The following KAZN variants were observed in gnomAD, a reference collection of about 807,000 sequenced individuals.
KAZN encodes kazrin.
A neutral mutation model predicts 87.4 loss-of-function variants in KAZN; 40 were observed. That is an observed-to-expected ratio of 0.46 (90% CI 0.36 to 0.60). The LOEUF is 0.60. Among genes scored for constraint, KAZN ranks in the 20% least tolerant of loss-of-function variants. The probability of loss-of-function intolerance (pLI) is 0.00; values close to 1 mark genes in which losing one functional copy is unlikely to be tolerated. For synonymous variants in KAZN, 466 were observed against 458.3 expected, an observed-to-expected ratio of 1.02 and a Z score of -0.22; for missense variants, 898 against 1,073.9, an observed-to-expected ratio of 0.84 and a Z score of 2.29.
intron 2 of KAZN, among the ~76,000 whole-genome samples, chr1:14,487,252 TTACAG>T (rs1296722696): frequency 6.6e-6 from 1 of 152,232 alleles, no homozygotes; most frequent in Non-Finnish European, 1.5e-5. Flanking sequence ...AAGGCAAACA[TTACAG>T]TAAAGTTTTC....
rs1376375814 is a variant in KAZN at position 14,496,317 on chromosome 1, A to T, written c.250-102666A>T. 5.3e-5 allele frequency among the ~76,000 whole-genome samples: 8 copies of T among 152,292 alleles called. No homozygotes were observed. The East Asian group carries it at 1.5e-3, about 29-fold the overall frequency. ...CAAAATAGAAACAAGGAATGTTTGA[A>T]ATAATACAGAAATGGCACTGAGGAA... On this transcript the variant is annotated intron_variant, in intron 2 of 16. Transcript: ENST00000636203.
chr1:14,178,726 T>C (rs981279073), intron 1 of KAZN, among the ~76,000 whole-genome samples: 6 of 152,202 alleles, frequency 3.9e-5, no homozygotes. Context: ...CTTTTTTGTA[T>C]GTCTGGTAAT....
intron 1 of KAZN, among the ~76,000 whole-genome samples, chr1:14,922,882 G>C (rs1333905839): frequency 6.6e-6 from 1 of 152,102 alleles, no homozygotes; most frequent in African/African-American, 2.4e-5. Flanking sequence ...TCATTGGGAA[G>C]GTGAGGATGC....
chr1:14,720,831 C>G (rs969231326), intron 1 of KAZN, among the ~76,000 whole-genome samples: 2 of 152,284 alleles, frequency 1.3e-5, no homozygotes, highest in African/African-American at 4.8e-5. Context: ...ATTCTCCCGC[C>G]TCAGCCTCCC....
chr1:14,234,418 A>C (rs1396851906), intron 2 of KAZN, among the ~76,000 whole-genome samples: 1 of 146,470 alleles, frequency 6.8e-6, no homozygotes, highest in Non-Finnish European at 1.5e-5. Flanking sequence ...ATGGGGGGCT[A>C]GGGGTGGGAT....
chr1:14,423,562 A>G (rs1428223791), intron 2 of KAZN, among the ~76,000 whole-genome samples: 1 of 152,212 alleles, frequency 6.6e-6, no homozygotes, highest in Non-Finnish European at 1.5e-5. Context: ...AATAGCCGTG[A>G]TAATACCAGG....
chr1:14,925,061 C>T (rs933203741), intron 1 of KAZN, among the ~76,000 whole-genome samples: 2 of 152,264 alleles, frequency 1.3e-5, no homozygotes, highest in Non-Finnish European at 2.9e-5. Context: ...TTCTCATACA[C>T]TTGAACTCCG....
At chr1:14,520,723 C>T (rs1474440919) in intron 2 of KAZN, among the ~76,000 whole-genome samples, 1 of 152,222 alleles carries the variant, frequency 6.6e-6, no homozygotes, top group Non-Finnish European at 1.5e-5. Flanking sequence ...TGAAACTGAA[C>T]TGAACCATTA....
At chr1:14,679,295 T>G (rs1027152146) in intron 1 of KAZN, among the ~76,000 whole-genome samples, 1 of 151,838 alleles carries the variant, frequency 6.6e-6, no homozygotes, top group Non-Finnish European at 1.5e-5. Context: ...TTTTTTTTTT[T>G]GGAAGGAATA....
At chr1:14,239,098 T>C (rs1201570634) in intron 2 of KAZN, among the ~76,000 whole-genome samples, 2 of 152,204 alleles carry the variant, frequency 1.3e-5, no homozygotes, top group Admixed American at 6.6e-5. Context: ...CTGAACTGCA[T>C]GTTCTCCAGT....
intron 1 of KAZN, among the ~76,000 whole-genome samples, chr1:14,138,394 A>G (rs367636547): frequency 5.3e-5 from 8 of 152,124 alleles, no homozygotes; most frequent in Non-Finnish European, 1.0e-4. Context: ...TGTTCCTTCT[A>G]TGGTTCACTC....
At chr1:14,608,550 G>A (rs1448006216) in intron 1 of KAZN, among the ~76,000 whole-genome samples, 1 of 152,182 alleles carries the variant, frequency 6.6e-6, no homozygotes, top group Non-Finnish European at 1.5e-5. Flanking sequence ...AAGTACAACT[G>A]TTTGGATAGA....
intron 2 of KAZN, among the ~76,000 whole-genome samples, chr1:14,340,970 C>T (rs1657672667): frequency 7.1e-6 from 1 of 141,270 alleles, no homozygotes; most frequent in African/African-American, 2.6e-5. Context: ...TCACTGCAAC[C>T]TCTGCCTCCC....
intron 13 of KAZN, among the ~76,000 whole-genome samples, chr1:15,110,379 GTATT>G (rs1641516014): frequency 2.0e-5 from 1 of 49,670 alleles, no homozygotes; most frequent in Admixed American, 2.9e-4. Flanking sequence ...TATGTAGTGT[GTATT>G]TGTGTGTTTG....
chr1:14,674,788 T>C (rs1572193770), intron 1 of KAZN, among the ~76,000 whole-genome samples: 1 of 152,160 alleles, frequency 6.6e-6, no homozygotes, highest in African/African-American at 2.4e-5. Flanking sequence ...TTTTCTTTTC[T>C]TTTCTTTTCT....
At chr1:14,699,355 A>T (rs1641792840) in intron 1 of KAZN, among the ~76,000 whole-genome samples, 1 of 152,234 alleles carries the variant, frequency 6.6e-6, no homozygotes, top group South Asian at 2.1e-4. Flanking sequence ...TTCCCTTTCC[A>T]TTTAACCAGA....
intron 1 of KAZN, among the ~76,000 whole-genome samples, chr1:13,898,429 C>T (rs1378859308): frequency 3.3e-5 from 5 of 152,184 alleles, no homozygotes; most frequent in Non-Finnish European, 7.3e-5. Context: ...CTAAGTTGCG[C>T]GTGTGTTACG....
chr1:14,960,698 G>A lies in KAZN; in HGVS notation c.241G>A (p.Glu81Lys), dbSNP rs1282118771. ...QLGAQVLLRE[E>K]VSRLQEEVHL... ...TTCTCCCCTAGTGCTCCTGCGGGAA[G>A]AAGTGTCGCGGCTCCAGGAGGAAGT... The change falls in exon 2 of 15, where the codon GAA becomes AAA. Residue 81 changes from glutamate to lysine, a missense_variant. Physicochemically the swap from Glu to Lys is moderately conservative, Grantham distance 56. Transcript: ENST00000376030. 1 of 1,569,204 alleles carries A rather than the reference G, an allele frequency of 6.4e-7. No homozygotes were observed. Among genetic ancestry groups the A allele is most frequent in the Non-Finnish European group, 8.7e-7 (1 of 1,155,762 alleles).
intron 1 of KAZN, among the ~76,000 whole-genome samples, chr1:14,948,755 G>A (rs906257920): frequency 3.3e-5 from 5 of 152,106 alleles, no homozygotes; most frequent in Admixed American, 2.0e-4. Flanking sequence ...TGTGCTAGGA[G>A]TCTTCCTTGT....
Sources: allele counts gnomAD v4.1 joint callset (sites outside exome capture counted in the v4.1 genomes callset), GRCh38; gene constraint gnomAD v4.1.1; transcripts MANE v1.5; gene names NCBI Gene and HGNC (gene_info 2026-07-23, HGNC 2026-07-21).